Variants in RFTN1 observed in about 807,000 individuals in gnomAD.
RFTN1 encodes the protein raftlin.
Under a neutral mutation model 46.5 loss-of-function variants are expected in RFTN1, and 26 were observed. The observed-to-expected ratio is 0.56, with a 90% CI of 0.41 to 0.78. The LOEUF (loss-of-function observed/expected upper bound fraction) is 0.78, where lower values mean the gene tolerates loss of function less well. RFTN1 is among the 30% of genes least tolerant of loss of function. The pLI is 0.00. For missense variants in RFTN1, 693 were observed against 718.7 expected, an observed-to-expected ratio of 0.96 and a Z score of 0.41; for synonymous variants, 261 against 284.2, an observed-to-expected ratio of 0.92 and a Z score of 0.82.
Position 16,421,544 on chromosome 3 carries a change from G to A in RFTN1, c.333-12061C>T, listed in dbSNP as rs1306008073. Among the ~76,000 whole-genome samples the A allele has an allele frequency of 1.3e-5, 2 of 152,116 alleles. No individual in the cohort carries two copies. Among genetic ancestry groups the A allele is most frequent in the Non-Finnish European group, 2.9e-5 (2 of 67,996 alleles). On this transcript the variant is annotated intron_variant, in intron 3 of 9. Coordinates refer to ENST00000334133, the MANE Select transcript of RFTN1 (RefSeq NM_015150.2). This position sits in a 1 kb window ranked among gnomAD's most constrained non-coding sequence, Gnocchi z 4.6. The stretch of plus-strand genomic sequence containing the variant: ...TTTTTGTATTTTTAGTAGAGACAGG[G>A]TTTCACCATGTTGGCCAGGATGGTC...
At chr3:16,377,228 G>C (rs1018092799) in intron 5 of RFTN1, among the ~76,000 whole-genome samples, 2 of 152,062 alleles carry the variant, frequency 1.3e-5, no homozygotes, top group Non-Finnish European at 2.9e-5. Flanking sequence ...GGGATGGTGG[G>C]TAAGTCCACC....
At chr3:16,464,582 G>T (rs959307132) in intron 2 of RFTN1, among the ~76,000 whole-genome samples, 8 of 152,296 alleles carry the variant, frequency 5.3e-5, no homozygotes, top group East Asian at 1.9e-4. Flanking sequence ...CTAATAATAA[G>T]AAGAAGGCAG....
intron 2 of RFTN1, among the ~76,000 whole-genome samples, chr3:16,436,032 A>T: frequency 6.6e-6 from 1 of 150,690 alleles, no homozygotes; most frequent in Non-Finnish European, 1.5e-5. Flanking sequence ...GCCATCAGTG[A>T]TGTATAAAGT....
rs989809773 is a variant in RFTN1 at position 16,427,987 on chromosome 3, A to G, written c.332+5864T>C. Among the ~76,000 whole-genome samples the G allele has an allele frequency of 6.6e-6, 1 of 152,120 alleles. No individual in the cohort carries two copies. Among genetic ancestry groups the G allele is most frequent in the Admixed American group, 6.5e-5 (1 of 15,280 alleles). ...GTTAGAGATGCAAACCAAGACCTGT[A>G]GACTTACCTGGGCAATTATATAATT... On this transcript the variant is annotated intron_variant, in intron 3 of 9. Coordinates refer to ENST00000334133, the MANE Select transcript of RFTN1 (RefSeq NM_015150.2). The surrounding 1 kb of genome is among the most constrained non-coding windows in gnomAD (Gnocchi z 5.4).
chr3:16,435,492 C>T (rs568557883), intron 2 of RFTN1, among the ~76,000 whole-genome samples: 2 of 152,258 alleles, frequency 1.3e-5, no homozygotes, highest in South Asian at 2.1e-4. Flanking sequence ...ATCTCTTGAA[C>T]CTGGGAGGCG....
chr3:16,370,303 GGA>G lies in RFTN1; in HGVS notation c.827-26_827-25del. 6.2e-7 allele frequency: 1 copy of G among 1,608,618 alleles called. No homozygotes were observed. The highest frequency in any genetic ancestry group is 8.5e-7 in the Non-Finnish European group (1 of 1,174,992). On this transcript the variant is annotated intron_variant, in intron 5 of 9. Coordinates refer to ENST00000334133, the MANE Select transcript of RFTN1 (RefSeq NM_015150.2). The surrounding 1 kb of genome is among the most constrained non-coding windows in gnomAD (Gnocchi z 5.5). ...TTCTGTTGGGATTTGTAAAGGGAGTGGAGAGAGAAGAGGTCAACTGATGATAA... is the reference window on the plus strand; with the variant it reads ...TTCTGTTGGGATTTGTAAAGGGAGTGGAGAGAAGAGGTCAACTGATGATAA...
At chr3:16,445,608 G>A (rs1263740608) in intron 2 of RFTN1, among the ~76,000 whole-genome samples, 1 of 151,666 alleles carries the variant, frequency 6.6e-6, no homozygotes, top group Non-Finnish European at 1.5e-5. Context: ...TGTGGTATAA[G>A]TATAAAATGT....
chr3:16,378,737 GC>G (rs779787213), intron 4 of RFTN1, among the ~76,000 whole-genome samples: 2 of 152,206 alleles, frequency 1.3e-5, no homozygotes, highest in Non-Finnish European at 1.5e-5. Context: ...GGTCAAAGGA[GC>G]CCACAGATCA....
At chr3:16,394,965 A>G (rs570746995) in intron 4 of RFTN1, among the ~76,000 whole-genome samples, 1 of 152,328 alleles carries the variant, frequency 6.6e-6, no homozygotes, top group Admixed American at 6.5e-5. Context: ...TAGCCCTGAA[A>G]ATCATGCTGG....
intron 2 of RFTN1, among the ~76,000 whole-genome samples, chr3:16,454,329 G>A (rs2075868762): frequency 6.6e-6 from 1 of 152,212 alleles, no homozygotes; most frequent in African/African-American, 2.4e-5. Context: ...TCAGCAAAGT[G>A]GCAGCTGGTG....
rs111405604 is a variant in RFTN1, at chr3:16,421,502, C to A, written c.333-12019G>T. Among the ~76,000 whole-genome samples, 11,485 of 152,126 alleles carry A rather than the reference C, an allele frequency of 0.075. 1,040 individuals are homozygous for A. Among genetic ancestry groups the A allele is most frequent in the African/African-American group, 0.22 (9,116 of 41,460 alleles). ...GAGTAGCTGGGACTACAGGTGCATG[C>A]CACCATGCCCAGCTAATTTTTGTAT... On this transcript the variant is annotated intron_variant, in intron 3 of 9. Coordinates refer to ENST00000334133, the MANE Select transcript of RFTN1 (RefSeq NM_015150.2). This position sits in a 1 kb window ranked among gnomAD's most constrained non-coding sequence, Gnocchi z 4.6.
chr3:16,359,581 G>C lies in RFTN1; in HGVS notation c.1031-1534C>G, dbSNP rs551381386. ...AAGCCACGTGAGGACACAGCAGGAA[G>C]GTGGCTGTCTGCAAGCCAGGAAGAG... On this transcript the variant is annotated intron_variant, in intron 6 of 9. Transcript: ENST00000334133. Among the ~76,000 whole-genome samples, 23 of 152,254 alleles carry C rather than the reference G, an allele frequency of 1.5e-4. 1 individual carries two copies. In the South Asian group the frequency reaches 4.6e-3, roughly 30 times the overall value.
Position 16,426,141 on chromosome 3 carries a change from G to A in RFTN1, c.332+7710C>T, listed in dbSNP as rs2075285364. 6.6e-6 allele frequency among the ~76,000 whole-genome samples: 1 copy of A among 152,144 alleles called. No individual in the cohort carries two copies. The highest frequency in any genetic ancestry group is 1.5e-5 in the Non-Finnish European group (1 of 68,032). On this transcript the variant is annotated intron_variant, in intron 3 of 9. Transcript: ENST00000334133. This position sits in a 1 kb window ranked among gnomAD's most constrained non-coding sequence, Gnocchi z 5.9. The stretch of plus-strand genomic sequence containing the variant: ...CCATCACAGTAGCACGCATCAATCA[G>A]TGCTAAACCCACCGTTACTTTCTTC...
Position 16,456,552 on chromosome 3 carries a change from G to A in RFTN1, c.146-22515C>T, listed in dbSNP as rs548862268. Among the ~76,000 whole-genome samples the A allele has an allele frequency of 1.6e-4, 24 of 152,228 alleles. 1 individual carries two copies. The South Asian group carries it at 4.4e-3, about 28-fold the overall frequency. ...TATTAAAAAGTAATAAACACCCTCC[G>A]CTGACCAAACTCTTAGAAAAGGATT... On this transcript the variant is annotated intron_variant, in intron 2 of 9. Coordinates refer to ENST00000334133, the MANE Select transcript of RFTN1 (RefSeq NM_015150.2).
chr3:16,409,684 A>ATTTTTT lies in RFTN1; in HGVS notation c.333-207_333-202dup, dbSNP rs386396025. ...AGGCACCCACTACCACACCCGGCTAATTTTTTTTTTTTTTTTTTGAGACGG... is the reference window on the plus strand; with the variant it reads ...AGGCACCCACTACCACACCCGGCTAATTTTTTTTTTTTTTTTTTTTTTTTGAGACGG... On this transcript the variant is annotated intron_variant, in intron 3 of 9. Transcript: ENST00000334133. Among the ~76,000 whole-genome samples the ATTTTTT allele has an allele frequency of 9.8e-5, 12 of 122,504 alleles. No homozygotes were observed. In the South Asian group the frequency reaches 2.5e-3, roughly 25 times the overall value. 80.4% of individuals were successfully genotyped at this position (122,504 alleles called of 152,430 possible). A position where few individuals can be genotyped will look rare whatever the true frequency, so the allele number is the denominator to read the frequency against.
rs1229537431 is a variant in RFTN1, at chr3:16,500,351, A to T, written c.-8-6474T>A. On this transcript the variant is annotated intron_variant, in intron 1 of 9. Transcript: ENST00000334133. The surrounding 1 kb of genome is among the most constrained non-coding windows in gnomAD (Gnocchi z 5.9). ...TCTTTTTATATTTTGTTTTCTCAGC[A>T]GACATCCCTGAAACTATGTGTATGG... 6.6e-6 allele frequency among the ~76,000 whole-genome samples: 1 copy of T among 152,200 alleles called. No homozygotes were observed. Among genetic ancestry groups the T allele is most frequent in the Non-Finnish European group, 1.5e-5 (1 of 68,036 alleles).
intron 4 of RFTN1, among the ~76,000 whole-genome samples, chr3:16,403,202 C>T (rs2074648224): frequency 6.6e-6 from 1 of 152,118 alleles, no homozygotes; most frequent in African/African-American, 2.4e-5. Context: ...CTGACAGCCT[C>T]CACCTCTGTC....
chr3:16,408,039 T>A (rs1037465119), intron 4 of RFTN1, among the ~76,000 whole-genome samples: 1 of 152,162 alleles, frequency 6.6e-6, no homozygotes, highest in Non-Finnish European at 1.5e-5. Context: ...TTTACTGTTA[T>A]ACAAAATTCC....
Position 16,337,293 on chromosome 3 carries a change from A to C in RFTN1, c.1147-10417T>G, listed in dbSNP as rs757379375. ...TTTCCTAAAAGTTGAAGGAAAAATC[A>C]CCCAGCTGACCTGTTTGGGTTATGA... On this transcript the variant is annotated intron_variant, in intron 7 of 9. Transcript: ENST00000334133. The surrounding 1 kb of genome is among the most constrained non-coding windows in gnomAD (Gnocchi z 5.0). 1 of 152,214 alleles carries C rather than the reference A, an allele frequency of 6.6e-6. No individual in the cohort carries two copies. 9.4% of individuals were successfully genotyped at this position (152,214 alleles called of 1,614,324 possible).
Sources: allele counts gnomAD v4.1 joint callset (sites outside exome capture counted in the v4.1 genomes callset), GRCh38; gene constraint gnomAD v4.1.1; non-coding constraint Gnocchi (gnomAD v3.1); transcripts MANE v1.5; gene names NCBI Gene and HGNC (gene_info 2026-07-23, HGNC 2026-07-21).